The following PREP variants were observed in gnomAD, a reference collection of about 807,000 sequenced individuals.
The protein encoded by PREP is dJ355L5.1 (prolyl endopeptidase).
In PREP, 29 loss-of-function variants were observed where a neutral mutation model predicts 87.6. That is an observed-to-expected ratio of 0.33 (90% CI 0.25 to 0.45). PREP has a LOEUF of 0.45. Among genes scored for constraint, PREP ranks in the 20% least tolerant of loss-of-function variants. The pLI is 1.00. For missense variants in PREP, 695 were observed against 886.5 expected (o/e 0.78, Z 2.74); for synonymous variants, 337 against 328.6 (o/e 1.03, Z -0.28).
chr6:105,375,210 A>G (rs1205357028), intron 4 of PREP, among the ~76,000 whole-genome samples: 1 of 152,140 alleles, frequency 6.6e-6, no homozygotes, highest in Non-Finnish European at 1.5e-5. Context: ...GTGTTTGTAT[A>G]AAAAAGGGTC....
chr6:105,352,294 G>C (rs1771978501), intron 7 of PREP, among the ~76,000 whole-genome samples: 1 of 152,138 alleles, frequency 6.6e-6, no homozygotes, highest in Non-Finnish European at 1.5e-5. Flanking sequence ...CTTGATGATA[G>C]TGCTGGTATG....
chr6:105,280,309 C>G (rs1032015830), intron 14 of PREP, among the ~76,000 whole-genome samples: 1 of 152,066 alleles, frequency 6.6e-6, no homozygotes, highest in Non-Finnish European at 1.5e-5. Flanking sequence ...CTCAAAAAAA[C>G]AAAACTTTAG....
intron 7 of PREP, among the ~76,000 whole-genome samples, chr6:105,344,922 T>C (rs891354007): frequency 1.3e-5 from 2 of 152,212 alleles, no homozygotes; most frequent in African/African-American, 2.4e-5. Flanking sequence ...TCTGAAGCAT[T>C]AACCTTAGCC....
chr6:105,282,491 C>T lies in PREP; in HGVS notation c.1641G>A (p.Arg547=), dbSNP rs745582186. ...CATTTGAACCTCCATTAATAGTCAG[C>T]CTCTTGGGAGATGTGTAACCTTCCT... The part of the protein sequence containing the change: ...LIKEGYTSPK[R]LTINGGSNGG... The change falls in exon 13 of 15, where the codon AGG becomes AGA. Residue 547 remains arginine (R), a synonymous_variant. Transcript: ENST00000652536. 6.2e-7 allele frequency: 1 copy of T among 1,614,144 alleles called. No homozygotes were observed. The highest frequency in any genetic ancestry group is 1.3e-5 in the African/African-American group (1 of 75,046).
intron 12 of PREP, among the ~76,000 whole-genome samples, chr6:105,284,155 A>G (rs942028061): frequency 5.3e-5 from 8 of 152,186 alleles, no homozygotes; most frequent in Non-Finnish European, 1.0e-4. Flanking sequence ...GTAAACTCTA[A>G]TATCAGCTCA....
Position 105,277,623 on chromosome 6 carries a change from C to T in PREP, c.*521G>A, listed in dbSNP as rs1769972984. 1 of 155,116 alleles carries T rather than the reference C, an allele frequency of 6.4e-6. No individual in the cohort carries two copies. The allele number at this position is 155,116 out of a possible 1,614,324, so 9.6% of individuals were successfully genotyped here. ...ATTCTATGACTTAACTGCTTGAAAACTAACTTGTTGCAGAAAGGTGAAATG... is the reference window on the plus strand; with the variant it reads ...ATTCTATGACTTAACTGCTTGAAAATTAACTTGTTGCAGAAAGGTGAAATG... On this transcript the variant is annotated 3_prime_UTR_variant, in exon 15 of 15. Transcript: ENST00000652536.
At chr6:105,349,568 C>G (rs1771891240) in intron 7 of PREP, among the ~76,000 whole-genome samples, 1 of 151,882 alleles carries the variant, frequency 6.6e-6, no homozygotes, top group Non-Finnish European at 1.5e-5. Context: ...CATGAGCCAC[C>G]CAAGTGAAAT....
At chr6:105,329,552 C>T (rs1282829085) in intron 8 of PREP, among the ~76,000 whole-genome samples, 10 of 152,168 alleles carry the variant, frequency 6.6e-5, no homozygotes, top group Non-Finnish European at 1.3e-4. Context: ...GGGCCAGGGG[C>T]TTTTGATGAC....
intron 10 of PREP, among the ~76,000 whole-genome samples, chr6:105,311,060 T>C (rs1770749929): frequency 6.6e-6 from 1 of 152,090 alleles, no homozygotes. Flanking sequence ...AATTCTACCT[T>C]CTAGGTATAT....
At chr6:105,359,600 C>A (rs1472114172) in intron 6 of PREP, among the ~76,000 whole-genome samples, 1 of 152,072 alleles carries the variant, frequency 6.6e-6, no homozygotes, top group Non-Finnish European at 1.5e-5. Flanking sequence ...GCTGGGCTGC[C>A]CTCTAGGGCT....
intron 2 of PREP, among the ~76,000 whole-genome samples, chr6:105,389,366 T>C (rs1412423923): frequency 6.6e-6 from 1 of 152,168 alleles, no homozygotes; most frequent in East Asian, 1.9e-4. Flanking sequence ...AGACTGCAAT[T>C]TGTATCTTCT....
At chr6:105,330,332 G>A (rs187665781) in intron 8 of PREP, among the ~76,000 whole-genome samples, 5 of 152,156 alleles carry the variant, frequency 3.3e-5, no homozygotes, top group African/African-American at 4.8e-5. Flanking sequence ...CACATCAAGC[G>A]GGAGATAAAG....
chr6:105,279,210 A>ATATT (rs1411567429), intron 14 of PREP: 1 of 152,152 alleles, frequency 6.6e-6, no homozygotes, highest in African/African-American at 2.4e-5. Context: ...AATGTATTTA[A>ATATT]TATTTATTAA....
At position 105,308,161 on chromosome 6, in the gene PREP, G is replaced by A. The variant is rs572438732; in HGVS notation, c.1317+15504C>T. 2.6e-5 allele frequency among the ~76,000 whole-genome samples: 4 copies of A among 152,076 alleles called. No homozygotes were observed. The South Asian group carries it at 8.3e-4, about 32-fold the overall frequency. ...GTGAAGAAGGAAAAGGAAATTGAAT[G>A]CATGAAAGAAGCTATTTTTTAAAAA... On this transcript the variant is annotated intron_variant, in intron 10 of 14. Coordinates refer to ENST00000652536, the MANE Select transcript of PREP (RefSeq NM_002726.5).
chr6:105,348,594 A>G (rs1405437941), intron 7 of PREP, among the ~76,000 whole-genome samples: 1 of 152,192 alleles, frequency 6.6e-6, no homozygotes, highest in Non-Finnish European at 1.5e-5. Context: ...TCAAAAGTAC[A>G]AGGAAGGCCA....
chr6:105,304,715 A>G (rs907990966), intron 10 of PREP, among the ~76,000 whole-genome samples: 13 of 152,194 alleles, frequency 8.5e-5, no homozygotes, highest in African/African-American at 3.1e-4. Flanking sequence ...CTACATTTCA[A>G]TTAAATAATA....
intron 11 of PREP, among the ~76,000 whole-genome samples, chr6:105,286,879 T>TA (rs1770197670): frequency 0.036 from 8 of 220 alleles, no homozygotes; most frequent in South Asian, 0.29. Flanking sequence ...ATCTCTTGAA[T>TA]CCCAACAGGA....
Position 105,278,530 on chromosome 6 carries a change from C to CT in PREP, c.1839-93_1839-92insA. ...GGTAGTTAATTAGCAGTGAGGACTG[C>CT]AGTTAACTAGTACGTGAGTGACCAC... On this transcript the variant is annotated intron_variant, in intron 14 of 14. Transcript: ENST00000652536. The surrounding 1 kb of genome is among the most constrained non-coding windows in gnomAD (Gnocchi z 4.2). 4 of 1,311,112 alleles carry CT rather than the reference C, an allele frequency of 3.1e-6. No individual in the cohort carries two copies. The highest frequency in any genetic ancestry group is 4.2e-6 in the Non-Finnish European group (4 of 942,846). The allele number at this position is 1,311,112 out of a possible 1,614,324, so 81.2% of individuals were successfully genotyped here. A position where few individuals can be genotyped will look rare whatever the true frequency, so the allele number is the denominator to read the frequency against.
intron 5 of PREP, 78 bp downstream of exon 5, chr6:105,373,291 G>T: frequency 6.9e-7 from 1 of 1,452,750 alleles, no homozygotes; most frequent in Non-Finnish European, 9.6e-7. Flanking sequence ...TCTATGTAGG[G>T]TTCAGCATCT....
Sources: allele counts gnomAD v4.1 joint callset (sites outside exome capture counted in the v4.1 genomes callset), GRCh38; gene constraint gnomAD v4.1.1; non-coding constraint Gnocchi (gnomAD v3.1); transcripts MANE v1.5; gene names NCBI Gene and HGNC (gene_info 2026-07-23, HGNC 2026-07-21).